The following OTULIN variants were observed in gnomAD, a reference collection of about 807,000 sequenced individuals.
The protein encoded by OTULIN is ubiquitin thioesterase otulin.
Under a neutral mutation model 39.6 loss-of-function variants are expected in OTULIN, and 15 were observed. The observed-to-expected ratio is 0.38, with a 90% CI of 0.25 to 0.58. The LOEUF (loss-of-function observed/expected upper bound fraction) is 0.58, where lower values mean the gene tolerates loss of function less well. OTULIN is among the 20% of genes least tolerant of loss of function. The probability of loss-of-function intolerance (pLI) is 0.66; values close to 1 mark genes in which losing one functional copy is unlikely to be tolerated. For missense variants in OTULIN, 319 were observed against 445.9 expected (o/e 0.72, Z 2.56); for synonymous variants, 156 against 170.3 (o/e 0.92, Z 0.65).
At chr5:14,702,802 G>T (rs941349522), downstream of OTULIN, among the ~76,000 whole-genome samples, 2 of 152,120 alleles carry the variant, frequency 1.3e-5, no homozygotes, top group Non-Finnish European at 2.9e-5. Context: ...AATAATGATT[G>T]TACTTGTTAA....
At chr5:14,685,831 T>A (rs1051789652) in intron 4 of OTULIN, among the ~76,000 whole-genome samples, 9 of 152,214 alleles carry the variant, frequency 5.9e-5, no homozygotes, top group Non-Finnish European at 1.2e-4. Flanking sequence ...CATTTGTAGT[T>A]CTTTGTGCCC....
chr5:14,701,687 A>T (rs1035701030), downstream of OTULIN, among the ~76,000 whole-genome samples: 1 of 152,174 alleles, frequency 6.6e-6, no homozygotes, highest in African/African-American at 2.4e-5. Flanking sequence ...AGACTCCTGC[A>T]GAAGGAGGCC....
downstream of OTULIN, among the ~76,000 whole-genome samples, chr5:14,700,262 GCCCTT>G (rs1736769841): frequency 6.6e-6 from 1 of 152,158 alleles, no homozygotes; most frequent in African/African-American, 2.4e-5. Context: ...TCCATGTCAG[GCCCTT>G]TGGTTGCAAG....
chr5:14,670,921 A>T (rs31923), intron 1 of OTULIN, among the ~76,000 whole-genome samples: 141,963 of 152,270 alleles, frequency 0.93, 66,258 homozygotes, highest in Middle Eastern at 0.97. Flanking sequence ...GCCATGAAGT[A>T]AGCAGATGTT....
At chr5:14,667,771 T>C (rs536450784) in intron 1 of OTULIN, among the ~76,000 whole-genome samples, 25 of 152,372 alleles carry the variant, frequency 1.6e-4, no homozygotes, top group Admixed American at 4.6e-4. Flanking sequence ...GAGCTGTGGT[T>C]GGCTCACATC....
the OTULIN span, among the ~76,000 whole-genome samples, chr5:14,713,864 G>C: frequency 6.6e-6 from 1 of 152,158 alleles, no homozygotes; most frequent in Non-Finnish European, 1.5e-5. The surrounding 1 kb of genome is among the most constrained non-coding windows in gnomAD (Gnocchi z 4.4). Context: ...TCGGCTCCCC[G>C]CCTCCTCACA....
rs1224279185 is a variant in OTULIN at position 14,699,400 on chromosome 5, T to A, written c.*6352T>A. ...TCTGAAGAACCCAGTGGGTAGGTAC[T>A]GGGCATCCATTAGACGGCAGTGCTA... On this transcript the variant is annotated 3_prime_UTR_variant, in exon 7 of 7. Coordinates refer to ENST00000284274, the MANE Select transcript of OTULIN (RefSeq NM_138348.6). The A allele has an allele frequency of 6.6e-6, 1 of 152,202 alleles. No individual in the cohort carries two copies. The highest frequency in any genetic ancestry group is 6.5e-5 in the Admixed American group (1 of 15,286). The allele number at this position is 152,202 out of a possible 1,614,324, so 9.4% of individuals were successfully genotyped here. A position where few individuals can be genotyped will look rare whatever the true frequency, so the allele number is the denominator to read the frequency against.
intron 2 of OTULIN, chr5:14,674,099 C>T (rs1736041594): frequency 6.1e-6 from 1 of 162,620 alleles, no homozygotes; most frequent in African/African-American, 2.4e-5. Flanking sequence ...TCTTTGCATG[C>T]AGATGGCCAT....
At chr5:14,683,332 A>G (rs1335317318) in intron 4 of OTULIN, among the ~76,000 whole-genome samples, 1 of 152,142 alleles carries the variant, frequency 6.6e-6, no homozygotes, top group Non-Finnish European at 1.5e-5. Flanking sequence ...TCTTAAGCCG[A>G]TTTTTCAGTA....
intron 2 of OTULIN, among the ~76,000 whole-genome samples, 196 bp from the exon 3 acceptor site, chr5:14,678,485 C>T (rs1209775116): frequency 1.3e-5 from 2 of 152,098 alleles, no homozygotes; most frequent in African/African-American, 2.4e-5. Flanking sequence ...ACAAGGGACA[C>T]CCATTGGGAG....
rs146425456 is a variant in OTULIN, at chr5:14,696,669, A to G, written c.*3621A>G. 1 of 152,216 alleles carries G rather than the reference A, an allele frequency of 6.6e-6. No homozygotes were observed. The highest frequency in any genetic ancestry group is 1.5e-5 in the Non-Finnish European group (1 of 68,038). 9.4% of individuals were successfully genotyped at this position (152,216 alleles called of 1,614,324 possible). A position where few individuals can be genotyped will look rare whatever the true frequency, so the allele number is the denominator to read the frequency against. ...CATACAGACCTCCTGTGCTTAAGTTATAGAAGAATAAAAATCTGAATGAAT... is the reference window on the plus strand; with the variant it reads ...CATACAGACCTCCTGTGCTTAAGTTGTAGAAGAATAAAAATCTGAATGAAT... On this transcript the variant is annotated 3_prime_UTR_variant, in exon 7 of 7. Transcript: ENST00000284274.
At chr5:14,668,380 C>T (rs1359936252) in intron 1 of OTULIN, among the ~76,000 whole-genome samples, 3 of 152,304 alleles carry the variant, frequency 2.0e-5, no homozygotes, top group South Asian at 4.1e-4. Flanking sequence ...ATGAGCCAGT[C>T]GTGGAAAGTC....
Position 14,670,595 on chromosome 5 carries a change from T to G in OTULIN, c.153-3047T>G, listed in dbSNP as rs969886915. 6.6e-5 allele frequency among the ~76,000 whole-genome samples: 10 copies of G among 152,280 alleles called. No individual in the cohort carries two copies. The East Asian group carries it at 1.7e-3, about 26-fold the overall frequency. On this transcript the variant is annotated intron_variant, in intron 1 of 6. Transcript: ENST00000284274. ...AAAACTTATTCTTCGGGATTATTTT[T>G]TAAAAATTAATTAACTAATTTTTTT...
Position 14,693,345 on chromosome 5 carries a change from G to C in OTULIN, c.*297G>C, listed in dbSNP as rs1579979428. 3.7e-6 allele frequency: 1 copy of C among 273,196 alleles called. No homozygotes were observed. The highest frequency in any genetic ancestry group is 6.8e-5 in the East Asian group (1 of 14,602). The allele number at this position is 273,196 out of a possible 1,614,324, so 16.9% of individuals were successfully genotyped here. A position where few individuals can be genotyped will look rare whatever the true frequency, so the allele number is the denominator to read the frequency against. On this transcript the variant is annotated 3_prime_UTR_variant, in exon 7 of 7. Coordinates refer to ENST00000284274, the MANE Select transcript of OTULIN (RefSeq NM_138348.6). Reference sequence around the variant, plus strand: ...ATACTTTTGTATCAGAGGAAACTCAGTTTTGGAGAGGAATATGTTCTTTAT... The same window carrying C: ...ATACTTTTGTATCAGAGGAAACTCACTTTTGGAGAGGAATATGTTCTTTAT...
At chr5:14,667,139 C>T (rs1735869774) in intron 1 of OTULIN, among the ~76,000 whole-genome samples, 1 of 152,166 alleles carries the variant, frequency 6.6e-6, no homozygotes, top group Non-Finnish European at 1.5e-5. Flanking sequence ...CCTATAGAGT[C>T]ATTTTTAATA....
intron 1 of OTULIN, among the ~76,000 whole-genome samples, chr5:14,666,850 T>C (rs1241641259): frequency 2.6e-5 from 4 of 152,224 alleles, no homozygotes; most frequent in East Asian, 1.9e-4. Context: ...TTCTCTATGG[T>C]ATTTTCCTCA....
At chr5:14,673,848 TG>T in intron 2 of OTULIN, 130 bp downstream of exon 2, 1 of 681,058 alleles carries the variant, frequency 1.5e-6, no homozygotes, top group Non-Finnish European at 2.3e-6. Flanking sequence ...CTACATTGAT[TG>T]TTTTGCTGAA....
At chr5:14,691,167 G>GT (rs1030981947) in intron 6 of OTULIN, among the ~76,000 whole-genome samples, 30 of 152,158 alleles carry the variant, frequency 2.0e-4, no homozygotes, top group African/African-American at 6.7e-4. Flanking sequence ...TCTTAATGAG[G>GT]TTTTTTTTAT....
Position 14,693,250 on chromosome 5 carries a change from A to G in OTULIN, c.*202A>G, listed in dbSNP as rs891570884. ...AGTCTTTCCCCTCATCTATGATGCA[A>G]TATATTTCAGTGGGGGCCTTCAGAG... On this transcript the variant is annotated 3_prime_UTR_variant, in exon 7 of 7. Coordinates refer to ENST00000284274, the MANE Select transcript of OTULIN (RefSeq NM_138348.6). 2.6e-5 allele frequency: 14 copies of G among 537,406 alleles called. No homozygotes were observed. The highest frequency in any genetic ancestry group is 4.8e-4 in the Middle Eastern group (1 of 2,080). 33.3% of individuals were successfully genotyped at this position (537,406 alleles called of 1,614,324 possible).
Sources: gnomAD v4.1 joint callset for allele counts (sites outside exome capture counted in the v4.1 genomes callset) on GRCh38, gnomAD v4.1.1 for gene constraint, Gnocchi (gnomAD v3.1) non-coding constraint, MANE v1.5 for transcripts, NCBI Gene and HGNC (gene_info 2026-07-23, HGNC 2026-07-21) for gene names.